Variants in ZNF215 observed in about 807,000 individuals in gnomAD.
The protein encoded by ZNF215 is zinc finger protein 215.
ZNF215 carries 24 observed loss-of-function variants against 27.2 expected under a neutral mutation model. That is an observed-to-expected ratio of 0.88 (90% confidence interval 0.64 to 1.24). The LOEUF (loss-of-function observed/expected upper bound fraction) is 1.24. Among genes scored for constraint, ZNF215 ranks in the 50% most tolerant of loss-of-function variants. The pLI is 0.00. For synonymous variants in ZNF215, 210 were observed against 204.0 expected, an observed-to-expected ratio of 1.03 and a Z score of -0.25; for missense variants, 675 against 605.7, an observed-to-expected ratio of 1.11 and a Z score of -1.20.
chr11:6,985,172 C>T (rs932824096), downstream of ZNF215, among the ~76,000 whole-genome samples: 2 of 152,130 alleles, frequency 1.3e-5, no homozygotes, highest in African/African-American at 2.4e-5. Context: ...AAACCAAATC[C>T]AGCAGCACAC....
At chr11:6,954,146 T>G (rs1850213804) in intron 6 of ZNF215, among the ~76,000 whole-genome samples, 1 of 152,144 alleles carries the variant, frequency 6.6e-6, no homozygotes, top group African/African-American at 2.4e-5. Flanking sequence ...CTGCCCCTAC[T>G]GGGGAGTGCC....
Position 6,957,765 on chromosome 11 carries a change from G to A in ZNF215, c.*1234G>A, listed in dbSNP as rs1850423785. On this transcript the variant is annotated 3_prime_UTR_variant, in exon 7 of 7. Transcript: ENST00000278319. ...TACTGTACCTTTGGGAATTTAGGCT[G>A]GAGAGACGTCCATAGCCTTAGGTAT... is the stretch of plus-strand genomic sequence containing the variant. 1 of 985,276 alleles carries A rather than the reference G, an allele frequency of 1.0e-6. No individual in the cohort carries two copies. The highest frequency in any genetic ancestry group is 6.1e-5 in the Admixed American group (1 of 16,266). The allele number at this position is 985,276 out of a possible 1,614,324, so 61.0% of individuals were successfully genotyped here.
Position 6,957,648 on chromosome 11 carries a change from C to A in ZNF215, c.*1117C>A. 1.6e-6 allele frequency: 1 copy of A among 621,432 alleles called. No individual in the cohort carries two copies. The highest frequency in any genetic ancestry group is 2.0e-6 in the Non-Finnish European group (1 of 497,814). The allele number at this position is 621,432 out of a possible 1,614,324, so 38.5% of individuals were successfully genotyped here. On this transcript the variant is annotated 3_prime_UTR_variant, in exon 7 of 7. Transcript: ENST00000278319. ...TTAGGAACTTAACTCTTGTTTGTAT[C>A]CATTAGTCTATGGTAAAATTGGTTT...
intron 5 of ZNF215, among the ~76,000 whole-genome samples, chr11:6,974,674 C>A (rs918780125): frequency 6.6e-6 from 1 of 152,076 alleles, no homozygotes; most frequent in African/African-American, 2.4e-5. Flanking sequence ...GGAGTTCACT[C>A]ATGATTTGGC....
At chr11:6,938,742 T>A (rs1849527334) in intron 3 of ZNF215, among the ~76,000 whole-genome samples, 1 of 152,134 alleles carries the variant, frequency 6.6e-6, no homozygotes, top group Admixed American at 6.5e-5. Flanking sequence ...AGGGAGTGTG[T>A]ATGAGAGTGA....
chr11:6,949,183 A>G (rs940724914), intron 6 of ZNF215, among the ~76,000 whole-genome samples: 25 of 151,818 alleles, frequency 1.6e-4, no homozygotes, highest in Admixed American at 4.6e-4. Context: ...AGTCTTTGCT[A>G]TTGTGAATAG....
chr11:6,957,120 G>A lies in ZNF215; in HGVS notation c.*589G>A, dbSNP rs1472676864. The A allele has an allele frequency of 1.0e-6, 1 of 985,238 alleles. No individual in the cohort carries two copies. The highest frequency in any genetic ancestry group is 1.2e-6 in the Non-Finnish European group (1 of 829,894). The allele number at this position is 985,238 out of a possible 1,614,324, so 61.0% of individuals were successfully genotyped here. A position where few individuals can be genotyped will look rare whatever the true frequency, so the allele number is the denominator to read the frequency against. On this transcript the variant is annotated 3_prime_UTR_variant, in exon 7 of 7. Transcript: ENST00000278319. Reference sequence around the variant, plus strand: ...TGGGAAAGGGTTATCAACTGCAATGGGAGAAGTATGTATTGCTGTTAATCT... The same window carrying A: ...TGGGAAAGGGTTATCAACTGCAATGAGAGAAGTATGTATTGCTGTTAATCT...
chr11:6,974,143 A>C (rs989819881), intron 5 of ZNF215, among the ~76,000 whole-genome samples: 2 of 152,088 alleles, frequency 1.3e-5, no homozygotes, highest in African/African-American at 4.8e-5. Context: ...ACCATTTCTT[A>C]AATAGGGAAT....
At chr11:6,939,550 C>G (rs1408990739) in intron 3 of ZNF215, among the ~76,000 whole-genome samples, 6 of 152,050 alleles carry the variant, frequency 3.9e-5, no homozygotes, top group African/African-American at 1.2e-4. Context: ...ACAAGTAGAT[C>G]AGAACAATTT....
At chr11:6,972,839 A>G (rs1352352896) in intron 5 of ZNF215, among the ~76,000 whole-genome samples, 1 of 152,186 alleles carries the variant, frequency 6.6e-6, no homozygotes, top group Non-Finnish European at 1.5e-5. Context: ...GAAAGAGCTG[A>G]TCTGTCGAGA....
At chr11:6,953,031 A>G (rs1850143586) in intron 6 of ZNF215, among the ~76,000 whole-genome samples, 1 of 152,174 alleles carries the variant, frequency 6.6e-6, no homozygotes, top group African/African-American at 2.4e-5. Context: ...TGGTTTGAAA[A>G]TTCTTTTGTT....
chr11:6,942,181 G>A (rs1320175829), intron 4 of ZNF215, among the ~76,000 whole-genome samples: 1 of 152,194 alleles, frequency 6.6e-6, no homozygotes, highest in African/African-American at 2.4e-5. Context: ...GAGGAAAGAG[G>A]AAGTGAGGAA....
chr11:6,927,157 A>G (rs1849082183), intron 1 of ZNF215, among the ~76,000 whole-genome samples: 1 of 152,158 alleles, frequency 6.6e-6, no homozygotes, highest in South Asian at 2.1e-4. Flanking sequence ...TGACTGGATC[A>G]ATCAACTGGG....
chr11:6,985,695 A>G (rs1484129007), downstream of ZNF215, among the ~76,000 whole-genome samples: 1 of 152,228 alleles, frequency 6.6e-6, no homozygotes, highest in Non-Finnish European at 1.5e-5. Context: ...AAGTTTCAGG[A>G]TACAAAATCA....
chr11:6,962,914 C>G (rs1027147424), downstream of ZNF215, among the ~76,000 whole-genome samples: 1 of 152,044 alleles, frequency 6.6e-6, no homozygotes, highest in African/African-American at 2.4e-5. Flanking sequence ...CAGCTATCAC[C>G]TATATTTTTC....
In ZNF215 at chr11:6,949,763, T is replaced by C. The variant is rs545226553; in HGVS notation, c.713-5927T>C. Among the ~76,000 whole-genome samples the C allele has an allele frequency of 1.2e-3, 180 of 152,354 alleles. 2 individuals carry two copies. The highest frequency in any genetic ancestry group is 4.2e-3 in the African/African-American group (174 of 41,578). On this transcript the variant is annotated intron_variant, in intron 6 of 6. Transcript: ENST00000278319. Reference sequence around the variant, plus strand: ...CAGATCCCATTTGTCAATTTTGGCTTTTGTTTCCATTGCTTTTGGTGTTTT... The same window carrying C: ...CAGATCCCATTTGTCAATTTTGGCTCTTGTTTCCATTGCTTTTGGTGTTTT...
At position 6,932,355 on chromosome 11, in the gene ZNF215, A is replaced by AT. The variant is rs763708217; in HGVS notation, c.84dup (p.Met29TyrfsTer15). Reference sequence around the variant, plus strand: ...GAACAAAGAGAGGTTCTGAGAGCAGATATGTCTTGGCAGCAGGAAACCAAC... The same window carrying AT: ...GAACAAAGAGAGGTTCTGAGAGCAGATTATGTCTTGGCAGCAGGAAACCAAC... On this transcript the variant is annotated frameshift_variant, in exon 3 of 7. Transcript: ENST00000278319. LOFTEE classifies it high-confidence loss of function. The AT allele has an allele frequency of 1.2e-6, 2 of 1,614,208 alleles. No homozygotes were observed. The highest frequency in any genetic ancestry group is 1.7e-6 in the Non-Finnish European group (2 of 1,180,038).
At chr11:6,962,960 G>C (rs929262367), downstream of ZNF215, among the ~76,000 whole-genome samples, 14 of 152,150 alleles carry the variant, frequency 9.2e-5, no homozygotes, top group Admixed American at 2.0e-4. Context: ...CCTTGTTTCT[G>C]AAGGGCCCTT....
At chr11:6,983,595 AAT>A (rs1289426169) in intron 5 of ZNF215, among the ~76,000 whole-genome samples, 2 of 152,204 alleles carry the variant, frequency 1.3e-5, no homozygotes, top group Non-Finnish European at 2.9e-5. Flanking sequence ...CAAAGTTTTA[AAT>A]ATGAGAACTA....
Sources: allele counts gnomAD v4.1 joint callset (sites outside exome capture counted in the v4.1 genomes callset), GRCh38; gene constraint gnomAD v4.1.1; transcripts MANE v1.5; gene names NCBI Gene and HGNC (gene_info 2026-07-23, HGNC 2026-07-21).